TEX14: variants seen among roughly 807,000 people sequenced by gnomAD.
TEX14 encodes the protein testis expressed 14, intercellular bridge forming factor, also known as inactive serine/threonine-protein kinase TEX14.
Under a neutral mutation model 178.6 loss-of-function variants are expected in TEX14, and 168 were observed. The observed-to-expected ratio is 0.94, with a 90% CI of 0.83 to 1.07. The LOEUF (loss-of-function observed/expected upper bound fraction) is 1.07. Ranked by LOEUF, TEX14 falls within the 50% of genes least tolerant of loss-of-function variation. The probability of loss-of-function intolerance (pLI) is 0.00; values close to 1 mark genes in which losing one functional copy is unlikely to be tolerated. For synonymous variants in TEX14, 626 were observed against 634.1 expected, an observed-to-expected ratio of 0.99 and a Z score of 0.19; for missense variants, 1,730 against 1,753.6, an observed-to-expected ratio of 0.99 and a Z score of 0.24.
At chr17:58,564,730 C>A in intron 28 of TEX14, 139 bp downstream of exon 28, 1 of 464,958 alleles carries the variant, frequency 2.2e-6, no homozygotes, top group Non-Finnish European at 3.7e-6. Flanking sequence ...AAAAGTAACC[C>A]TTTAGGAATA....
intron 19 of TEX14, among the ~76,000 whole-genome samples, chr17:58,582,746 T>A (rs1307409192): frequency 6.6e-6 from 1 of 151,484 alleles, no homozygotes; most frequent in African/African-American, 2.4e-5. Flanking sequence ...GTATTTTTAG[T>A]AGAGATGGGG....
intron 11 of TEX14, 54 bp from the exon 12 acceptor site, chr17:58,602,644 G>A (rs962985300): frequency 1.8e-5 from 26 of 1,434,964 alleles, no homozygotes; most frequent in Non-Finnish European, 2.0e-5. Context: ...AGAGTGGAGT[G>A]GGGGGAAAAG....
intron 1 of TEX14, among the ~76,000 whole-genome samples, chr17:58,673,770 G>A (rs2047342854): frequency 6.6e-6 from 1 of 151,786 alleles, no homozygotes; most frequent in African/African-American, 2.4e-5. Flanking sequence ...TTGGGGTTAA[G>A]CCATGTTGCC....
intron 2 of TEX14, 59 bp from the exon 3 acceptor site, chr17:58,630,613 G>T: frequency 8.6e-7 from 1 of 1,161,136 alleles, no homozygotes; most frequent in Non-Finnish European, 1.3e-6. Flanking sequence ...GAAGGAACTG[G>T]GTAGGGGGTG....
chr17:58,659,313 T>C (rs903959258), intron 1 of TEX14: 1 of 978,190 alleles, frequency 1.0e-6, no homozygotes, highest in South Asian at 4.7e-5. Flanking sequence ...CATTATTTAC[T>C]TAATATTGCT....
At chr17:58,661,368 G>A (rs577615992) in intron 1 of TEX14, 2 of 925,266 alleles carry the variant, frequency 2.2e-6, no homozygotes, top group Admixed American at 1.7e-5. Flanking sequence ...AGGTACTTCA[G>A]GTCGGTGGAA....
chr17:58,632,537 G>A (rs765951174), intron 2 of TEX14, among the ~76,000 whole-genome samples: 22 of 152,182 alleles, frequency 1.4e-4, no homozygotes, highest in Non-Finnish European at 2.8e-4. Context: ...CCTGGTTTAA[G>A]CTTCAGTAGC....
intron 13 of TEX14, among the ~76,000 whole-genome samples, 175 bp downstream of exon 13, chr17:58,601,631 T>C (rs1187064740): frequency 6.6e-6 from 1 of 151,726 alleles, no homozygotes; most frequent in Non-Finnish European, 1.5e-5. Context: ...GAAGTGGAGG[T>C]TGCAGTGAGC....
chr17:58,598,079 C>G (rs776908081), intron 14 of TEX14, among the ~76,000 whole-genome samples: 34 of 152,024 alleles, frequency 2.2e-4, no homozygotes, highest in Middle Eastern at 6.8e-3. Flanking sequence ...TTTGGGAGGC[C>G]GAGGTGGGCA....
intron 1 of TEX14, among the ~76,000 whole-genome samples, chr17:58,668,908 T>C (rs192292321): frequency 2.6e-5 from 4 of 152,244 alleles, no homozygotes; most frequent in South Asian, 2.1e-4. Context: ...GGAGACATTC[T>C]GGCAAGTGAG....
intron 1 of TEX14, among the ~76,000 whole-genome samples, chr17:58,659,061 C>T (rs2143335361): frequency 6.6e-6 from 1 of 150,984 alleles, no homozygotes; most frequent in South Asian, 2.1e-4. Flanking sequence ...ACCACAACTC[C>T]AAAACCAAAC....
rs56213417 is a variant in TEX14 at position 58,601,888 on chromosome 17, G to A, written c.1596C>T (p.Pro532=). ...TCAGTCCTAGATAGACATTGACATC[G>A]GGATGGAGTCCGTATCTCTGCACTC... ...SPRVQRYGLH[P]DVNVYLGLTS... The change falls in exon 13 of 32, where the codon CCC becomes CCT. Residue 532 remains proline (P), a synonymous_variant. Transcript: ENST00000349033. 1.4e-5 allele frequency: 22 copies of A among 1,613,346 alleles called. No individual in the cohort carries two copies. The highest frequency in any genetic ancestry group is 2.2e-5 in the East Asian group (1 of 44,872).
At position 58,599,613 on chromosome 17, in the gene TEX14, C is replaced by T. The variant is rs748158197; in HGVS notation, c.1732G>A (p.Asp578Asn). ...VHSLFTEGTL[D>N]PQAPDPCLMA... ...AGACATGGATCTGGGGCCTGAGGAT[C>T]TAGTGTCCCCTCAGTGAATAAAGAG... The change falls in exon 14 of 32, where the codon GAT becomes AAT. Residue 578 changes from aspartate (D) to asparagine (N), a missense_variant. Coordinates refer to ENST00000349033, the MANE Select transcript of TEX14 (RefSeq NM_031272.5). 7 of 1,613,842 alleles carry T rather than the reference C, an allele frequency of 4.3e-6. No individual in the cohort carries two copies. The highest frequency in any genetic ancestry group is 3.3e-5 in the Admixed American group (2 of 59,994).
chr17:58,578,343 G>A (rs141558570), intron 20 of TEX14, among the ~76,000 whole-genome samples: 288 of 151,194 alleles, frequency 1.9e-3, no homozygotes, highest in African/African-American at 6.4e-3. Context: ...TTTAGAGTCC[G>A]ACCCTCTCCT....
At chr17:58,588,971 C>T (rs181093859) in intron 15 of TEX14, among the ~76,000 whole-genome samples, 1 of 152,246 alleles carries the variant, frequency 6.6e-6, no homozygotes, top group African/African-American at 2.4e-5. Context: ...ATTCAATTAA[C>T]TTTTCAAAAA....
chr17:58,643,874 C>CAA (rs71143262), intron 2 of TEX14, among the ~76,000 whole-genome samples: 2,679 of 20,578 alleles, frequency 0.13, 653 homozygotes, highest in Non-Finnish European at 0.17. Flanking sequence ...GACTCTGTCT[C>CAA]AAAAAAAAAA....
chr17:58,643,505 G>A (rs1268010874), intron 2 of TEX14, among the ~76,000 whole-genome samples: 1 of 151,876 alleles, frequency 6.6e-6, no homozygotes, highest in East Asian at 1.9e-4. Flanking sequence ...AGTGGCATGT[G>A]AGTCTGTCCT....
intron 1 of TEX14, among the ~76,000 whole-genome samples, chr17:58,684,263 A>C (rs2047553478): frequency 6.6e-6 from 1 of 151,776 alleles, no homozygotes; most frequent in African/African-American, 2.4e-5. Context: ...GGAGCATGAG[A>C]CCAGCCTGAC....
At chr17:58,628,995 A>C (rs571307129) in intron 3 of TEX14, among the ~76,000 whole-genome samples, 14 of 152,294 alleles carry the variant, frequency 9.2e-5, no homozygotes, top group African/African-American at 2.9e-4. Flanking sequence ...TTCATATTCT[A>C]GCATTCCTGT....
Sources: allele counts gnomAD v4.1 joint callset (sites outside exome capture counted in the v4.1 genomes callset), GRCh38; gene constraint gnomAD v4.1.1; transcripts MANE v1.5; gene names NCBI Gene and HGNC (gene_info 2026-07-23, HGNC 2026-07-21).